The following RGPD2 variants were observed in gnomAD, a reference collection of about 807,000 sequenced individuals.
RGPD2 encodes RANBP2-like and GRIP domain-containing protein 2.
RGPD2 carries 2 observed loss-of-function variants against 36.0 expected under a neutral mutation model. That is an observed-to-expected ratio of 0.06 (90% CI 0.02 to 0.17). The LOEUF is 0.17. RGPD2 is among the 10% of genes least tolerant of loss of function. The pLI, the probability that RGPD2 is intolerant of heterozygous loss-of-function variation, is 1.00. For synonymous variants in RGPD2, 19 were observed against 163.8 expected (o/e 0.12, Z 6.75); for missense variants, 40 against 464.3 (o/e 0.09, Z 8.40).
chr2:87,857,654 C>T, the RGPD2 span, among the ~76,000 whole-genome samples: 2 of 151,436 alleles, frequency 1.3e-5, no homozygotes, highest in African/African-American at 4.9e-5. Flanking sequence ...AAATAGTAGT[C>T]GAGGCTAGGC....
At chr2:87,985,242 C>T in the RGPD2 span, among the ~76,000 whole-genome samples, 2 of 150,978 alleles carry the variant, frequency 1.3e-5, no homozygotes, top group East Asian at 1.9e-4. Flanking sequence ...GTATAGTACT[C>T]GGCTAAAGTA....
At chr2:87,972,695 T>C in the RGPD2 span, 402 of 1,584,968 alleles carry the variant, frequency 2.5e-4, no homozygotes, top group Non-Finnish European at 3.3e-4. Context: ...CGAGGAGGCC[T>C]GGGGGGCACT....
the RGPD2 span, among the ~76,000 whole-genome samples, chr2:87,919,288 A>G: frequency 2.6e-5 from 4 of 151,462 alleles, no homozygotes; most frequent in African/African-American, 7.3e-5. Flanking sequence ...TCATCTCTAA[A>G]ATAGAGACAT....
At chr2:87,883,126 T>A in the RGPD2 span, among the ~76,000 whole-genome samples, 1 of 152,182 alleles carries the variant, frequency 6.6e-6, no homozygotes, top group Non-Finnish European at 1.5e-5. Flanking sequence ...AATAATTTGT[T>A]AAGAGGCACA....
chr2:87,884,853 A>G, the RGPD2 span, among the ~76,000 whole-genome samples: 2 of 152,168 alleles, frequency 1.3e-5, no homozygotes, highest in Non-Finnish European at 2.9e-5. Context: ...ATGAATTCTA[A>G]TTAACATTTA....
the RGPD2 span, among the ~76,000 whole-genome samples, chr2:87,983,836 G>T: frequency 6.6e-6 from 1 of 152,072 alleles, no homozygotes; most frequent in Non-Finnish European, 1.5e-5. Context: ...TGCTGGCAGT[G>T]CTCAGGGAAC....
chr2:87,830,850 C>T, the RGPD2 span, among the ~76,000 whole-genome samples: 522 of 152,158 alleles, frequency 3.4e-3, 4 homozygotes, highest in African/African-American at 0.012. Flanking sequence ...CCCCATGATT[C>T]AATTACTTCC....
upstream of RGPD2, among the ~76,000 whole-genome samples, chr2:87,827,236 G>A (rs1317053431): frequency 6.6e-5 from 10 of 152,230 alleles, no homozygotes; most frequent in African/African-American, 2.4e-4. Context: ...TTGGATGCCC[G>A]TTGAGAATGT....
At position 87,825,744 on chromosome 2, in the gene RGPD2, G is replaced by C. The variant is rs1253035574; in HGVS notation, c.-15C>G. On this transcript the variant is annotated 5_prime_UTR_variant, in exon 1 of 23. Coordinates refer to ENST00000398146, the MANE Select transcript of RGPD2 (RefSeq NM_001078170.3). ...CTGCGCCTCATCGCACCGCCAACCT[G>C]GCTCCCGAGACGCGTGAAACCAGCG... 6.3e-7 allele frequency: 1 copy of C among 1,593,198 alleles called. No homozygotes were observed. Among genetic ancestry groups the C allele is most frequent in the Non-Finnish European group, 8.5e-7 (1 of 1,170,428 alleles).
chr2:87,978,225 A>T, the RGPD2 span, among the ~76,000 whole-genome samples: 1 of 152,152 alleles, frequency 6.6e-6, no homozygotes, highest in Non-Finnish European at 1.5e-5. Flanking sequence ...AAATATGGTC[A>T]AGAACTCACG....
intron 22 of RGPD2, among the ~76,000 whole-genome samples, chr2:87,769,156 C>T (rs1277466699): frequency 1.1e-4 from 10 of 88,960 alleles, no homozygotes; most frequent in South Asian, 5.6e-4. Flanking sequence ...TGAGTAGAGA[C>T]GGGGTTTCAC....
At chr2:87,948,024 C>T in the RGPD2 span, among the ~76,000 whole-genome samples, 6 of 152,118 alleles carry the variant, frequency 3.9e-5, no homozygotes, top group Non-Finnish European at 8.8e-5. Flanking sequence ...CATCACTCGC[C>T]GCGGTCCGCC....
the RGPD2 span, among the ~76,000 whole-genome samples, chr2:87,951,776 G>GACAAA: frequency 1.5e-5 from 2 of 130,476 alleles, no homozygotes; most frequent in Non-Finnish European, 3.3e-5. Context: ...GTAGAGATGG[G>GACAAA]GTTTCACCAT....
At chr2:87,825,437 CG>C (rs1558739438) in intron 1 of RGPD2, among the ~76,000 whole-genome samples, 2 of 119,530 alleles carry the variant, frequency 1.7e-5, no homozygotes, top group Non-Finnish European at 3.9e-5. Context: ...CCGCCGCCGC[CG>C]CCGCCCGGCC....
the RGPD2 span, among the ~76,000 whole-genome samples, chr2:87,885,143 C>T: frequency 6.6e-6 from 1 of 151,910 alleles, no homozygotes; most frequent in East Asian, 1.9e-4. Context: ...TTAAAAGTGT[C>T]ATCATTTACC....
chr2:87,852,460 C>T, the RGPD2 span, among the ~76,000 whole-genome samples: 4 of 151,950 alleles, frequency 2.6e-5, no homozygotes, highest in African/African-American at 7.3e-5. Context: ...CATTAGAAAG[C>T]CCAGAGGGGT....
the RGPD2 span, among the ~76,000 whole-genome samples, chr2:87,883,409 C>T: frequency 6.6e-5 from 10 of 151,346 alleles, no homozygotes; most frequent in African/African-American, 2.5e-4. Flanking sequence ...AAAAAAGGCC[C>T]TAATAAAACA....
the RGPD2 span, among the ~76,000 whole-genome samples, chr2:87,867,651 A>G: frequency 1.3e-5 from 2 of 152,182 alleles, no homozygotes; most frequent in East Asian, 3.8e-4. Context: ...TTAATTTGGT[A>G]GTTTTTTTAT....
the RGPD2 span, among the ~76,000 whole-genome samples, chr2:87,882,651 G>A: frequency 4.9e-4 from 75 of 152,248 alleles, no homozygotes; most frequent in African/African-American, 1.7e-3. Context: ...ATTTTGATAC[G>A]GATTCCATTG....
Sources: allele counts gnomAD v4.1 joint callset (sites outside exome capture counted in the v4.1 genomes callset), GRCh38; gene constraint gnomAD v4.1.1; transcripts MANE v1.5; gene names NCBI Gene and HGNC (gene_info 2026-07-23, HGNC 2026-07-21).